Variants in CFH observed in about 807,000 individuals in gnomAD.
The protein encoded by CFH is complement factor H, also known as H factor 1 (complement).
CFH carries 53 observed loss-of-function variants against 147.3 expected under a neutral mutation model. That is an observed-to-expected ratio of 0.36 (90% confidence interval 0.29 to 0.45). The LOEUF (loss-of-function observed/expected upper bound fraction) is 0.45. CFH is among the 20% of genes least tolerant of loss of function. The pLI, the probability that CFH is intolerant of heterozygous loss-of-function variation, is 1.00. For missense variants in CFH, 1,380 were observed against 1,498.0 expected (o/e 0.92, Z 1.30); for synonymous variants, 536 against 489.4 (o/e 1.10, Z -1.26).
chr1:196,735,790 T>C (rs868587124), intron 15 of CFH, among the ~76,000 whole-genome samples: 71 of 152,038 alleles, frequency 4.7e-4, no homozygotes, highest in African/African-American at 7.0e-4. Context: ...AGCAAAATAC[T>C]TTTGATAAAT....
intron 7 of CFH, among the ~76,000 whole-genome samples, chr1:196,687,464 T>A (rs1280415693): frequency 6.6e-6 from 1 of 152,096 alleles, no homozygotes; most frequent in Non-Finnish European, 1.5e-5. Context: ...GCCTCCTTTT[T>A]ATTCCTTTTG....
Position 196,715,621 on chromosome 1 carries a change from T to A in CFH, c.1548T>A (p.Asn516Lys), listed in dbSNP as rs147403664. 1.8e-4 allele frequency: 290 copies of A among 1,612,560 alleles called. No homozygotes were observed. Among genetic ancestry groups the A allele is most frequent in the Middle Eastern group, 8.3e-4 (5 of 6,050 alleles). Reference sequence around the variant, plus strand: ...CTTGTGATATCCCAGTATTTATGAATGCCAGAACTAAAAATGACTTCACAT... The same window carrying A: ...CTTGTGATATCCCAGTATTTATGAAAGCCAGAACTAAAAATGACTTCACAT... ...IKSCDIPVFM[N>K]ARTKNDFTWF... Residue 516 changes from asparagine (N) to lysine (K), a missense_variant, in exon 11 of 22, where the codon AAT (asparagine) becomes AAA (lysine). Asn to Lys is a moderately conservative substitution (Grantham distance 94, BLOSUM62 0). Coordinates refer to ENST00000367429, the MANE Select transcript of CFH (RefSeq NM_000186.4).
At chr1:196,679,899 GTAAA>G in intron 6 of CFH, 106 bp downstream of exon 6, 2 of 1,011,864 alleles carry the variant, frequency 2.0e-6, no homozygotes, top group South Asian at 1.5e-5. Context: ...GCTAATTTAT[GTAAA>G]TAAACTATTA....
At position 196,741,855 on chromosome 1, in the gene CFH, A is replaced by G. The variant is rs1410662212; in HGVS notation, c.2957-20A>G. 6.2e-7 allele frequency: 1 copy of G among 1,611,936 alleles called. No homozygotes were observed. Among genetic ancestry groups the G allele is most frequent in the Non-Finnish European group, 8.5e-7 (1 of 1,178,128 alleles). On this transcript the variant is annotated intron_variant, in intron 18 of 21. Coordinates refer to ENST00000367429, the MANE Select transcript of CFH (RefSeq NM_000186.4). ...ATTTTTAAAGATTTGCGGAACAAAT[A>G]CATATTTTTCCTATTTCAGAAACAG...
chr1:196,655,539 A>C (rs909238738), intron 1 of CFH, among the ~76,000 whole-genome samples: 2 of 152,220 alleles, frequency 1.3e-5, no homozygotes, highest in African/African-American at 2.4e-5. Flanking sequence ...AATGTTCTTC[A>C]TGTGTGGCCT....
At chr1:196,728,550 G>A in intron 15 of CFH, 28 bp downstream of exon 15, 1 of 1,603,730 alleles carries the variant, frequency 6.2e-7, no homozygotes, top group Non-Finnish European at 8.5e-7. Context: ...TTTCAGAAAT[G>A]TATTCTATTT....
chr1:196,722,424 C>T (rs1006342201), intron 11 of CFH, among the ~76,000 whole-genome samples: 20 of 152,150 alleles, frequency 1.3e-4, no homozygotes, highest in African/African-American at 4.6e-4. Context: ...CCAATATCTT[C>T]TGGCTTGTAC....
chr1:196,730,284 T>C (rs756161281), intron 15 of CFH, among the ~76,000 whole-genome samples: 4 of 151,886 alleles, frequency 2.6e-5, no homozygotes, highest in Non-Finnish European at 4.4e-5. Context: ...ACGTTTTGTT[T>C]CCATTCTCCT....
intron 1 of CFH, among the ~76,000 whole-genome samples, chr1:196,666,831 G>A (rs541668597): frequency 1.9e-4 from 28 of 148,666 alleles, no homozygotes; most frequent in Non-Finnish European, 2.8e-4. Flanking sequence ...AAAAAGGGTT[G>A]CTTAACTTCA....
At chr1:196,729,703 T>C (rs1573069589) in intron 15 of CFH, among the ~76,000 whole-genome samples, 1 of 151,104 alleles carries the variant, frequency 6.6e-6, no homozygotes, top group South Asian at 2.2e-4. Context: ...AATTCAGCAA[T>C]GAAGCCATCA....
chr1:196,728,564 A>C (rs774340352), intron 15 of CFH, 42 bp downstream of exon 15: 7 of 1,592,864 alleles, frequency 4.4e-6, no homozygotes, highest in Non-Finnish European at 8.6e-7. Context: ...TCTATTTCTC[A>C]TTTGGAAAAG....
chr1:196,722,978 GT>G (rs557074723), intron 11 of CFH, among the ~76,000 whole-genome samples: 3 of 151,284 alleles, frequency 2.0e-5, no homozygotes, highest in Non-Finnish European at 2.9e-5. Context: ...CATATCCTGA[GT>G]TTTTTTTCTA....
chr1:196,717,161 G>A (rs1356386681), intron 11 of CFH, among the ~76,000 whole-genome samples: 1 of 152,058 alleles, frequency 6.6e-6, no homozygotes, highest in Non-Finnish European at 1.5e-5. Flanking sequence ...AAAAGGTAGT[G>A]TAACAGATTG....
intron 7 of CFH, 23 bp downstream of exon 7, chr1:196,685,260 C>T (rs1010277128): frequency 6.2e-7 from 1 of 1,610,878 alleles, no homozygotes; most frequent in Non-Finnish European, 8.5e-7. Flanking sequence ...CATATCTTGA[C>T]CCATTTCTTA....
At chr1:196,725,537 A>G (rs541203392) in intron 12 of CFH, among the ~76,000 whole-genome samples, 47 of 152,294 alleles carry the variant, frequency 3.1e-4, no homozygotes, top group African/African-American at 1.1e-3. Flanking sequence ...TGTCGGTCTT[A>G]GTCTACTTTA....
chr1:196,720,644 T>C (rs1456400620), intron 11 of CFH, among the ~76,000 whole-genome samples: 2 of 151,988 alleles, frequency 1.3e-5, no homozygotes, highest in African/African-American at 4.8e-5. Flanking sequence ...TTATTTTTTG[T>C]TTTGGCTGAG....
Position 196,726,577 on chromosome 1 carries a change from C to T in CFH, c.1981C>T (p.Pro661Ser). The T allele has an allele frequency of 1.9e-6, 3 of 1,612,660 alleles. No individual in the cohort carries two copies. The highest frequency in any genetic ancestry group is 2.5e-6 in the Non-Finnish European group (3 of 1,178,880). Residue 661 changes from proline (P) to serine (S), a missense_variant, in exon 13 of 22, where the codon CCT becomes TCT. Coordinates refer to ENST00000367429, the MANE Select transcript of CFH (RefSeq NM_000186.4). ...TGAAGTGGTGGAATATTATTGCAAT[C>T]CTAGATTTCTAATGAAGGGACCTAA... ...HSEVVEYYCN[P>S]RFLMKGPNKI...
At position 196,652,122 on chromosome 1, in the gene CFH, G is replaced by A; in HGVS notation, c.5G>A (p.Arg2Lys). ...TCCTCTTAAAAGATCCAAAAAATGA[G>A]ACTTCTAGCAAAGATTATTTGCCTT... M[R>K]LLAKIICLML... is the part of the protein sequence containing the mutation. The change falls in exon 1 of 22, where the codon AGA becomes AAA. Residue 2 changes from arginine to lysine, a missense_variant. This residue lies in a region of CFH where 260 missense variants were observed against 263.3 expected (regional missense o/e 0.99). Transcript: ENST00000367429. The A allele has an allele frequency of 6.2e-7, 1 of 1,610,134 alleles. No homozygotes were observed. Among genetic ancestry groups the A allele is most frequent in the Non-Finnish European group, 8.5e-7 (1 of 1,176,458 alleles).
At chr1:196,701,630 A>C in intron 9 of CFH, 1 of 384,514 alleles carries the variant, frequency 2.6e-6, no homozygotes, top group South Asian at 3.2e-5. Flanking sequence ...ACAATCTCGT[A>C]ACTATTTGTG....
Sources: gnomAD v4.1 joint callset for allele counts (sites outside exome capture counted in the v4.1 genomes callset) on GRCh38, gnomAD v4.1.1 for gene constraint, gnomAD v4.1.1 regional missense constraint, MANE v1.5 for transcripts, NCBI Gene and HGNC (gene_info 2026-07-23, HGNC 2026-07-21) for gene names.